Variants in ANKHD1 observed in about 807,000 individuals in gnomAD.
ANKHD1 encodes ankyrin repeat and KH domain containing 1.
ANKHD1 carries 31 observed loss-of-function variants against 230.5 expected under a neutral mutation model. That is an observed-to-expected ratio of 0.13 (90% CI 0.10 to 0.18). The LOEUF (loss-of-function observed/expected upper bound fraction) is 0.18, where lower values mean the gene tolerates loss of function less well. Ranked by LOEUF, ANKHD1 falls within the 10% of genes least tolerant of loss-of-function variation. The pLI is 1.00. For synonymous variants in ANKHD1, 1,074 were observed against 1,117.6 expected (o/e 0.96, Z 0.78); for missense variants, 2,256 against 3,071.3 (o/e 0.73, Z 6.27).
intron 29 of ANKHD1, among the ~76,000 whole-genome samples, chr5:140,531,569 G>A (rs966040572): frequency 1.3e-5 from 2 of 151,556 alleles, no homozygotes; most frequent in Non-Finnish European, 2.9e-5. Flanking sequence ...ACAAAAGAGC[G>A]AGACTGTCAG....
intron 29 of ANKHD1, 147 bp from the exon 30 acceptor site, chr5:140,535,215 C>T: frequency 1.9e-5 from 24 of 1,260,042 alleles, no homozygotes; most frequent in Non-Finnish European, 2.6e-5. Flanking sequence ...ATTGTTTTTG[C>T]TGTGGTCTAT....
At position 140,467,200 on chromosome 5, in the gene ANKHD1, C is replaced by T. The variant is rs921726107; in HGVS notation, c.1782+2424C>T. 7.9e-5 allele frequency among the ~76,000 whole-genome samples: 12 copies of T among 152,116 alleles called. No individual in the cohort carries two copies. The East Asian group carries it at 9.7e-4, about 12-fold the overall frequency. On this transcript the variant is annotated intron_variant, in intron 10 of 33. Transcript: ENST00000360839. Reference sequence around the variant, plus strand: ...TTCCATCAAGTTGATGAACCATACTCGTTCATTAATTATGGAACTTTTGCT... The same window carrying T: ...TTCCATCAAGTTGATGAACCATACTTGTTCATTAATTATGGAACTTTTGCT...
chr5:140,505,930 G>A (rs1449650942), intron 18 of ANKHD1, 61 bp downstream of exon 18: 2 of 1,520,200 alleles, frequency 1.3e-6, no homozygotes, highest in African/African-American at 2.9e-5. Flanking sequence ...ATATGCATAT[G>A]ATTCGTATTT....
chr5:140,492,565 C>G (rs982072506), intron 14 of ANKHD1, among the ~76,000 whole-genome samples: 1 of 152,190 alleles, frequency 6.6e-6, no homozygotes, highest in Non-Finnish European at 1.5e-5. Flanking sequence ...AATAAACACT[C>G]TACTACATTT....
At chr5:140,455,196 A>C (rs1280685716) in intron 7 of ANKHD1, among the ~76,000 whole-genome samples, 1 of 152,214 alleles carries the variant, frequency 6.6e-6, no homozygotes, top group Non-Finnish European at 1.5e-5. Flanking sequence ...GACCAAGAAC[A>C]GGCTCTGAAA....
intron 5 of ANKHD1, among the ~76,000 whole-genome samples, chr5:140,443,766 A>G (rs1162920914): frequency 1.3e-5 from 2 of 151,930 alleles, no homozygotes; most frequent in Non-Finnish European, 2.9e-5. Context: ...ATTCTTGGTG[A>G]TCATCAAATT....
At chr5:140,491,906 A>G (rs1751825666) in intron 14 of ANKHD1, among the ~76,000 whole-genome samples, 1 of 152,252 alleles carries the variant, frequency 6.6e-6, no homozygotes, top group Non-Finnish European at 1.5e-5. Context: ...TTTTGAAGGC[A>G]GAAGAAAATT....
chr5:140,448,499 C>A lies in ANKHD1; in HGVS notation c.1148-712C>A, dbSNP rs148314287. On this transcript the variant is annotated intron_variant, in intron 6 of 33. Coordinates refer to ENST00000360839, the MANE Select transcript of ANKHD1 (RefSeq NM_017747.3). The stretch of plus-strand genomic sequence containing the variant: ...AAGGTTCAACCAATTTATACTCCCA[C>A]CAACAATGTTTGAGAGTGCCCTTTG... Among the ~76,000 whole-genome samples, 203 of 152,318 alleles carry A rather than the reference C, an allele frequency of 1.3e-3. 2 individuals carry two copies. The highest frequency in any genetic ancestry group is 2.2e-3 in the Admixed American group (33 of 15,306).
intron 7 of ANKHD1, among the ~76,000 whole-genome samples, chr5:140,453,498 G>A (rs1366588835): frequency 6.6e-6 from 1 of 152,326 alleles, no homozygotes; most frequent in East Asian, 1.9e-4. Flanking sequence ...AAACCCATCA[G>A]ACTAACAGCG....
At chr5:140,426,532 T>TTTA (rs1772430027) in intron 1 of ANKHD1, among the ~76,000 whole-genome samples, 1 of 149,656 alleles carries the variant, frequency 6.7e-6, no homozygotes, top group Admixed American at 6.9e-5. Context: ...TTATTTATTT[T>TTTA]TTTATTGATC....
At chr5:140,431,995 A>G (rs898235445) in intron 1 of ANKHD1, among the ~76,000 whole-genome samples, 1 of 152,104 alleles carries the variant, frequency 6.6e-6, no homozygotes, top group Non-Finnish European at 1.5e-5. Context: ...ACAGTCTGTC[A>G]CCTTTTATAT....
chr5:140,446,471 G>A (rs979919113), intron 6 of ANKHD1, among the ~76,000 whole-genome samples: 4 of 151,880 alleles, frequency 2.6e-5, no homozygotes, highest in South Asian at 2.1e-4. Context: ...AGTGATTCTC[G>A]TACCTCAGCC....
In ANKHD1 at chr5:140,539,541, G is replaced by A. The variant is rs1754213383; in HGVS notation, c.*123G>A. ...AGGCTTTAGCAATGGAAATTTGATTGCCCATTGTATAAGAACAAATTGATT... is the reference window on the plus strand; with the variant it reads ...AGGCTTTAGCAATGGAAATTTGATTACCCATTGTATAAGAACAAATTGATT... On this transcript the variant is annotated 3_prime_UTR_variant, in exon 34 of 34. Coordinates refer to ENST00000360839, the MANE Select transcript of ANKHD1 (RefSeq NM_017747.3). 1 of 1,082,328 alleles carries A rather than the reference G, an allele frequency of 9.2e-7. No homozygotes were observed. The highest frequency in any genetic ancestry group is 1.6e-5 in the African/African-American group (1 of 62,842). The allele number at this position is 1,082,328 out of a possible 1,614,324, so 67.0% of individuals were successfully genotyped here. A position where few individuals can be genotyped will look rare whatever the true frequency, so the allele number is the denominator to read the frequency against.
At chr5:140,426,535 T>A (rs899974696) in intron 1 of ANKHD1, among the ~76,000 whole-genome samples, 1 of 152,154 alleles carries the variant, frequency 6.6e-6, no homozygotes, top group East Asian at 1.9e-4. Context: ...TTTATTTTTT[T>A]ATTGATCATT....
chr5:140,405,418 C>G (rs1015516311), intron 1 of ANKHD1, among the ~76,000 whole-genome samples: 3 of 152,084 alleles, frequency 2.0e-5, no homozygotes, highest in African/African-American at 7.2e-5. Flanking sequence ...AGAGTATAGT[C>G]TGTGCCTTTG....
At chr5:140,403,384 T>C (rs888293690) in intron 1 of ANKHD1, among the ~76,000 whole-genome samples, 1 of 152,018 alleles carries the variant, frequency 6.6e-6, no homozygotes, top group Admixed American at 6.6e-5. Context: ...GGCATTAACT[T>C]CTTTTGGGTT....
chr5:140,529,941 TAGTA>T (rs1753740510), intron 29 of ANKHD1, 145 bp downstream of exon 29: 1 of 1,307,390 alleles, frequency 7.6e-7, no homozygotes, highest in South Asian at 1.6e-5. Context: ...CTGTCCCTCA[TAGTA>T]AGGAAGTTAT....
At chr5:140,477,581 T>C (rs1751035757) in intron 10 of ANKHD1, among the ~76,000 whole-genome samples, 1 of 152,234 alleles carries the variant, frequency 6.6e-6, no homozygotes. Context: ...AAGTCTTCTT[T>C]AATTCCATAC....
At position 140,506,763 on chromosome 5, in the gene ANKHD1, C is replaced by G. The variant is rs547127191; in HGVS notation, c.3409-72C>G. 1 of 1,578,144 alleles carries G rather than the reference C, an allele frequency of 6.3e-7. No individual in the cohort carries two copies. Among genetic ancestry groups the G allele is most frequent in the Non-Finnish European group, 8.6e-7 (1 of 1,169,126 alleles). On this transcript the variant is annotated intron_variant, in intron 18 of 33. Transcript: ENST00000360839. The surrounding 1 kb of genome is among the most constrained non-coding windows in gnomAD (Gnocchi z 4.7). ...GATAAGGAAGTTATAAGTCCTGTTT[C>G]TTTGTGTTTCCTTCATTATAAGTTG...
Sources: allele counts gnomAD v4.1 joint callset (sites outside exome capture counted in the v4.1 genomes callset), GRCh38; gene constraint gnomAD v4.1.1; non-coding constraint Gnocchi (gnomAD v3.1); transcripts MANE v1.5; gene names NCBI Gene and HGNC (gene_info 2026-07-23, HGNC 2026-07-21).